SPAG16: variants seen among roughly 807,000 people sequenced by gnomAD.
The protein encoded by SPAG16 is sperm-associated antigen 16 protein.
Under a neutral mutation model 80.4 loss-of-function variants are expected in SPAG16, and 86 were observed. The observed-to-expected ratio is 1.07, with a 90% CI of 0.90 to 1.28. The LOEUF is 1.28. SPAG16 is among the 50% of genes most tolerant of loss of function. The probability of loss-of-function intolerance (pLI) is 0.00; values close to 1 mark genes in which losing one functional copy is unlikely to be tolerated. For synonymous variants in SPAG16, 294 were observed against 265.9 expected (o/e 1.11, Z -1.03); for missense variants, 870 against 765.3 (o/e 1.14, Z -1.61).
In SPAG16 at chr2:214,132,662, G is replaced by C. The variant is rs370976900; in HGVS notation, c.1594-16478G>C. ...AAATAAGGAATGAGTATCCCAGTCA[G>C]TGGAAACTAAGAAGAAAAGCATGAG... On this transcript the variant is annotated intron_variant, in intron 14 of 15. Transcript: ENST00000331683. Among the ~76,000 whole-genome samples, 57 of 152,340 alleles carry C rather than the reference G, an allele frequency of 3.7e-4. 1 individual carries two copies. The South Asian group carries it at 0.012, about 32-fold the overall frequency.
At chr2:214,201,348 T>A (rs991936799) in intron 15 of SPAG16, among the ~76,000 whole-genome samples, 1 of 152,212 alleles carries the variant, frequency 6.6e-6, no homozygotes, top group South Asian at 2.1e-4. Flanking sequence ...AATTAAGATA[T>A]ATCCCATTTC....
intron 12 of SPAG16, among the ~76,000 whole-genome samples, chr2:213,959,728 G>A (rs1195809994): frequency 6.6e-6 from 1 of 152,090 alleles, no homozygotes; most frequent in African/African-American, 2.4e-5. Context: ...ATCAGTACCT[G>A]TAACCTCTCT....
chr2:214,142,935 G>A (rs2055437482), intron 14 of SPAG16, among the ~76,000 whole-genome samples: 1 of 152,050 alleles, frequency 6.6e-6, no homozygotes, highest in Admixed American at 6.6e-5. Flanking sequence ...AAAACCCAGA[G>A]CCTATGTTTT....
chr2:213,522,525 C>T (rs1429949162), intron 10 of SPAG16, among the ~76,000 whole-genome samples: 1 of 152,114 alleles, frequency 6.6e-6, no homozygotes, highest in East Asian at 1.9e-4. Context: ...TTGGCCTTTA[C>T]ACCCCTGCCT....
intron 10 of SPAG16, among the ~76,000 whole-genome samples, chr2:213,625,662 C>T (rs1474005): frequency 0.41 from 61,884 of 151,276 alleles, 13,090 homozygotes; most frequent in Middle Eastern, 0.51. Context: ...GTTGTTGTTA[C>T]TGTTCTTTTT....
chr2:214,372,080 T>C (rs1485717902), intron 15 of SPAG16, among the ~76,000 whole-genome samples: 1 of 152,186 alleles, frequency 6.6e-6, no homozygotes, highest in African/African-American at 2.4e-5. Flanking sequence ...CATTGTTCTC[T>C]CCTATTGGGT....
intron 15 of SPAG16, among the ~76,000 whole-genome samples, chr2:214,262,302 C>T (rs145957119): frequency 9.9e-5 from 15 of 152,012 alleles, no homozygotes; most frequent in Admixed American, 2.0e-4. Flanking sequence ...ATTTTTTGAA[C>T]GAGTTTTTAT....
intron 14 of SPAG16, among the ~76,000 whole-genome samples, chr2:214,144,959 T>C (rs1316044844): frequency 6.6e-6 from 1 of 152,036 alleles, no homozygotes; most frequent in African/African-American, 2.4e-5. Context: ...GAAAAAATTA[T>C]GTTACTATAT....
intron 15 of SPAG16, among the ~76,000 whole-genome samples, chr2:214,315,358 A>G (rs1274219081): frequency 6.6e-6 from 1 of 152,158 alleles, no homozygotes; most frequent in African/African-American, 2.4e-5. Flanking sequence ...TATAATCTCC[A>G]TTTATAATAT....
chr2:213,815,392 G>T (rs1228135243), intron 10 of SPAG16, among the ~76,000 whole-genome samples: 3 of 152,110 alleles, frequency 2.0e-5, no homozygotes, highest in African/African-American at 7.2e-5. Context: ...TATGATTCTA[G>T]GGTAGTTACA....
chr2:214,388,202 A>G (rs898528860), intron 15 of SPAG16, among the ~76,000 whole-genome samples: 29 of 152,032 alleles, frequency 1.9e-4, no homozygotes, highest in African/African-American at 6.8e-4. Flanking sequence ...TATTTTATTA[A>G]CAAATAACAA....
At position 213,375,063 on chromosome 2, in the gene SPAG16, C is replaced by G; in HGVS notation, c.886C>G (p.Leu296Val). ...ACCAGAAGGTCCTACTCAGAAAGGT[C>G]TTCGTGAAGCCAGGGAACAAAACAA... ...NAPEGPTQKG[L>V]REAREQNKCK... Residue 296 changes from leucine to valine, a missense_variant, in exon 9 of 16, where the codon CTT becomes GTT. Coordinates refer to ENST00000331683, the MANE Select transcript of SPAG16 (RefSeq NM_024532.5). 6.2e-7 allele frequency: 1 copy of G among 1,610,750 alleles called. No homozygotes were observed. The highest frequency in any genetic ancestry group is 8.5e-7 in the Non-Finnish European group (1 of 1,178,614).
At chr2:213,750,143 T>C (rs2068015783) in intron 10 of SPAG16, among the ~76,000 whole-genome samples, 1 of 152,198 alleles carries the variant, frequency 6.6e-6, no homozygotes, top group African/African-American at 2.4e-5. Context: ...GCAGGACAAG[T>C]ACTCCAAGAA....
intron 14 of SPAG16, among the ~76,000 whole-genome samples, chr2:214,132,325 A>G (rs371983273): frequency 4.4e-4 from 67 of 152,180 alleles, no homozygotes; most frequent in Non-Finnish European, 8.2e-4. Flanking sequence ...TCTGTAATAA[A>G]AAGATGATTT....
chr2:213,555,988 C>T (rs1267204471), intron 10 of SPAG16, among the ~76,000 whole-genome samples: 1 of 151,974 alleles, frequency 6.6e-6, no homozygotes, highest in Non-Finnish European at 1.5e-5. Context: ...TTTATGCAAT[C>T]AAAGTTTTTG....
At chr2:213,603,359 A>G (rs1053796476) in intron 10 of SPAG16, among the ~76,000 whole-genome samples, 2 of 152,222 alleles carry the variant, frequency 1.3e-5, no homozygotes, top group Non-Finnish European at 2.9e-5. Flanking sequence ...TGATGCTTAT[A>G]CGCATTTTCC....
At chr2:213,339,934 A>C (rs73987994) in intron 5 of SPAG16, among the ~76,000 whole-genome samples, 11,307 of 152,196 alleles carry the variant, frequency 0.074, 1,379 homozygotes, top group African/African-American at 0.25. Context: ...TGAAATGTAG[A>C]TGAATCATAT....
rs1116360 is a variant in SPAG16 at position 213,922,111 on chromosome 2, T to A, written c.1215-7849T>A. Among the ~76,000 whole-genome samples the A allele has an allele frequency of 5.4e-3, 819 of 152,334 alleles. 3 individuals are homozygous for A. Among genetic ancestry groups the A allele is most frequent in the Non-Finnish European group, 9.4e-3 (642 of 68,036 alleles). ...AGTTTTCATGTACAATATCCTGATA[T>A]ATGTTTTCCAAGTTGCTTACTTTCC... On this transcript the variant is annotated intron_variant, in intron 11 of 15. Transcript: ENST00000331683.
Position 213,490,079 on chromosome 2 carries a change from T to C in SPAG16, c.1059T>C (p.Leu353=). ...KLKNIFRLHE[L]PVSCVSMQPH... ...AAAACATTTTTAGACTCCATGAACT[T>C]CCAGTGAGCTGGTAGGATTTTTGAT... The change falls in exon 10 of 16, where the codon CTT becomes CTC. Residue 353 remains leucine (L), a synonymous_variant. Coordinates refer to ENST00000331683, the MANE Select transcript of SPAG16 (RefSeq NM_024532.5). 6.3e-7 allele frequency: 1 copy of C among 1,582,340 alleles called. No homozygotes were observed. Among genetic ancestry groups the C allele is most frequent in the Non-Finnish European group, 8.6e-7 (1 of 1,167,938 alleles).
Sources: allele counts gnomAD v4.1 joint callset (sites outside exome capture counted in the v4.1 genomes callset), GRCh38; gene constraint gnomAD v4.1.1; transcripts MANE v1.5; gene names NCBI Gene and HGNC (gene_info 2026-07-23, HGNC 2026-07-21).